Variants in ANKRD26 observed in about 807,000 individuals in gnomAD.
The protein encoded by ANKRD26 is ankyrin repeat domain 26, also known as ankyrin repeat domain-containing protein 26.
A neutral mutation model predicts 208.7 loss-of-function variants in ANKRD26; 141 were observed. The ratio of observed to expected loss-of-function variants is 0.68; its 90% CI spans 0.59 to 0.78. The LOEUF is 0.78. Among genes scored for constraint, ANKRD26 ranks in the 30% least tolerant of loss-of-function variants. The probability of loss-of-function intolerance (pLI) is 0.00; values close to 1 mark genes in which losing one functional copy is unlikely to be tolerated. For missense variants in ANKRD26, 1,889 were observed against 1,938.7 expected (o/e 0.97, Z 0.48); for synonymous variants, 636 against 660.4 (o/e 0.96, Z 0.57).
chr10:26,964,033 T>C, the ANKRD26 span, among the ~76,000 whole-genome samples: 1 of 147,616 alleles, frequency 6.8e-6, no homozygotes, highest in Non-Finnish European at 1.5e-5. Context: ...TGCCTCAGCC[T>C]CCCAAGTGTA....
At chr10:26,984,800 A>T (rs930858100) in intron 3 of ANKRD26, among the ~76,000 whole-genome samples, 4 of 152,128 alleles carry the variant, frequency 2.6e-5, no homozygotes, top group Non-Finnish European at 4.4e-5. Flanking sequence ...TGCCAGGAGG[A>T]GTTCTAGGCC....
At chr10:26,951,019 C>CTTTTTTTTTTT in the ANKRD26 span, among the ~76,000 whole-genome samples, 23 of 48,514 alleles carry the variant, frequency 4.7e-4, no homozygotes, top group East Asian at 9.0e-4. Flanking sequence ...TTTTCTTTTT[C>CTTTTTTTTTTT]TTTTTTTTTT....
At chr10:26,949,236 C>T in the ANKRD26 span, among the ~76,000 whole-genome samples, 3 of 152,108 alleles carry the variant, frequency 2.0e-5, no homozygotes, top group African/African-American at 7.2e-5. Flanking sequence ...CACACCCTTC[C>T]CCCATATTCC....
rs1008531113 is a variant in ANKRD26 at position 27,006,935 on chromosome 10, T to G, written c.4981A>C (p.Thr1661Pro). Residue 1661 changes from threonine (T) to proline (P), a missense_variant, in exon 33 of 34, where the codon ACT becomes CCT. Thr to Pro is a conservative substitution (Grantham distance 38). Coordinates refer to ENST00000376087, the MANE Select transcript of ANKRD26 (RefSeq NM_014915.3). ...KMQQELEKNI[T>P]RELKEAAAEL... ...AACATACCTTCTTTGAGTTCTCTAG[T>G]TATATTTTTTTCCAACTCCTGCTGC... is the stretch of plus-strand genomic sequence containing the variant. 5 of 1,609,960 alleles carry G rather than the reference T, an allele frequency of 3.1e-6. No individual in the cohort carries two copies. The East Asian group carries it at 1.1e-4, about 36-fold the overall frequency.
rs1368448241 is a variant in ANKRD26 at position 26,994,997 on chromosome 10, T to G, written c.*29+44A>C. On this transcript the variant is annotated intron_variant, in intron 5 of 5. Transcript: ENST00000445828. The stretch of plus-strand genomic sequence containing the variant: ...AAGGAAATCACAGCATATCCTGCTC[T>G]AACATTTCCATGCTCCCCTCTTAAA... The G allele has an allele frequency of 1.9e-5, 9 of 467,586 alleles. No homozygotes were observed. The Admixed American group carries it at 2.1e-4, about 11-fold the overall frequency. The allele number at this position is 467,586 out of a possible 1,614,324, so 29.0% of individuals were successfully genotyped here.
In ANKRD26 at chr10:27,039,914, A is replaced by T. The variant is rs751422353; in HGVS notation, c.2375+51T>A. ...AAGTCAGCAATTACAAGAATTCTAT[A>T]TATCTTTAGTACAAATAGTTAAACA... On this transcript the variant is annotated intron_variant, in intron 21 of 33. Coordinates refer to ENST00000376087, the MANE Select transcript of ANKRD26 (RefSeq NM_014915.3). The T allele has an allele frequency of 1.3e-5, 20 of 1,523,862 alleles. No individual in the cohort carries two copies. The South Asian group carries it at 2.2e-4, about 17-fold the overall frequency. The allele number at this position is 1,523,862 out of a possible 1,614,324, so 94.4% of individuals were successfully genotyped here. A position where few individuals can be genotyped will look rare whatever the true frequency, so the allele number is the denominator to read the frequency against.
downstream of ANKRD26, among the ~76,000 whole-genome samples, chr10:26,971,956 C>T (rs1395831472): frequency 2.0e-5 from 3 of 152,144 alleles, no homozygotes; most frequent in Non-Finnish European, 2.9e-5. Flanking sequence ...AGTCCAGTGG[C>T]CGGGCGCAGT....
intron 24 of ANKRD26, among the ~76,000 whole-genome samples, chr10:27,034,423 T>G (rs1380227829): frequency 6.6e-6 from 1 of 152,196 alleles, no homozygotes; most frequent in Non-Finnish European, 1.5e-5. Flanking sequence ...AAATCCTCAT[T>G]TCAGGTATAA....
chr10:27,040,383 G>A (rs940369635), intron 20 of ANKRD26, among the ~76,000 whole-genome samples: 10 of 152,086 alleles, frequency 6.6e-5, no homozygotes, highest in African/African-American at 2.4e-4. Context: ...CAAAAAAAGT[G>A]ACAAAATACA....
chr10:27,018,859 AAAGT>A (rs1399517016), intron 29 of ANKRD26, among the ~76,000 whole-genome samples: 3 of 152,246 alleles, frequency 2.0e-5, no homozygotes, highest in Non-Finnish European at 2.9e-5. Flanking sequence ...AAGATGTAAA[AAAGT>A]AAGACCTTGA....
intron 27 of ANKRD26, among the ~76,000 whole-genome samples, chr10:27,027,544 T>A (rs1381881433): frequency 1.3e-5 from 2 of 152,184 alleles, no homozygotes; most frequent in African/African-American, 4.8e-5. Context: ...AAACAAAATG[T>A]ATATAAAAAA....
chr10:26,981,803 C>A (rs2052312937), intron 4 of ANKRD26, among the ~76,000 whole-genome samples: 1 of 152,096 alleles, frequency 6.6e-6, no homozygotes, highest in Admixed American at 6.5e-5. Context: ...GCTTGTGGAC[C>A]TAGCTTTCCA....
intron 32 of ANKRD26, among the ~76,000 whole-genome samples, chr10:27,008,353 T>A (rs1166779024): frequency 6.6e-6 from 1 of 152,050 alleles, no homozygotes; most frequent in Admixed American, 6.5e-5. Context: ...ATACAATGAA[T>A]AATGTGACAA....
downstream of ANKRD26, among the ~76,000 whole-genome samples, chr10:26,989,795 C>G (rs537978052): frequency 6.6e-6 from 1 of 152,082 alleles, no homozygotes; most frequent in African/African-American, 2.4e-5. Flanking sequence ...GAATGAGCAG[C>G]AGATGAGGAC....
downstream of ANKRD26, among the ~76,000 whole-genome samples, chr10:26,973,649 C>CTTTTTTTTTTT (rs71386903): frequency 6.4e-4 from 57 of 88,434 alleles, no homozygotes; most frequent in Non-Finnish European, 7.3e-4. Context: ...TTTATTTGTC[C>CTTTTTTTTTTT]TTTTTTTTTT....
At chr10:27,091,691 A>G (rs1390975826) in intron 4 of ANKRD26, among the ~76,000 whole-genome samples, 1 of 152,208 alleles carries the variant, frequency 6.6e-6, no homozygotes, top group Non-Finnish European at 1.5e-5. Flanking sequence ...GAAGTTCAAT[A>G]TTGAGTTAAA....
Position 26,977,430 on chromosome 10 carries a change from G to A in ANKRD26, c.*282-1388C>T, listed in dbSNP as rs144892485. On this transcript the variant is annotated intron_variant and NMD_transcript_variant, in intron 5 of 5. Coordinates refer to the ANKRD26 transcript ENST00000674670. Reference sequence around the variant, plus strand: ...AGCCAGGGATAAACCTTTTTATATCGGCTTCTCAGGGATTTGTGGGCCACA... The same window carrying A: ...AGCCAGGGATAAACCTTTTTATATCAGCTTCTCAGGGATTTGTGGGCCACA... 1.7e-3 allele frequency among the ~76,000 whole-genome samples: 254 copies of A among 152,172 alleles called. 1 individual carries two copies. Among genetic ancestry groups the A allele is most frequent in the African/African-American group, 5.6e-3 (231 of 41,518 alleles).
chr10:26,965,834 C>T, the ANKRD26 span, among the ~76,000 whole-genome samples: 2 of 151,930 alleles, frequency 1.3e-5, no homozygotes, highest in Non-Finnish European at 2.9e-5. Flanking sequence ...TATGAACAGA[C>T]AATTCTTAAA....
intron 29 of ANKRD26, among the ~76,000 whole-genome samples, 159 bp downstream of exon 29, chr10:27,022,399 T>G (rs1171376605): frequency 6.6e-6 from 1 of 152,146 alleles, no homozygotes; most frequent in East Asian, 1.9e-4. Flanking sequence ...AACCTGCCCA[T>G]GTACCTCTGA....
Sources: gnomAD v4.1 joint callset for allele counts (sites outside exome capture counted in the v4.1 genomes callset) on GRCh38, gnomAD v4.1.1 for gene constraint, MANE v1.5 for transcripts, NCBI Gene and HGNC (gene_info 2026-07-23, HGNC 2026-07-21) for gene names.